FRMPD3: variants seen among roughly 807,000 people sequenced by gnomAD.
FRMPD3 encodes the protein FERM and PDZ domain-containing protein 3.
FRMPD3 carries 42 observed loss-of-function variants against 97.9 expected under a neutral mutation model. The observed-to-expected ratio is 0.43, with a 90% CI of 0.34 to 0.55. The LOEUF is 0.55. Among genes scored for constraint, FRMPD3 ranks in the 20% least tolerant of loss-of-function variants. The probability of loss-of-function intolerance (pLI) is 0.03; values close to 1 mark genes in which losing one functional copy is unlikely to be tolerated. For synonymous variants in FRMPD3, 577 were observed against 581.1 expected (o/e 0.99, Z 0.10); for missense variants, 1,303 against 1,457.7 (o/e 0.89, Z 1.73).
At chrX:107,526,453 G>T (rs890367179) in intron 1 of FRMPD3, 129 bp from the exon 2 acceptor site, 9 of 465,869 alleles carry the variant, frequency 1.9e-5, no homozygotes, top group Non-Finnish European at 3.4e-6. Context: ...TGGCTCCAGA[G>T]GATGTAGGAA....
intron 5 of FRMPD3, among the ~76,000 whole-genome samples, chrX:107,547,748 C>G (rs1443030243): frequency 8.9e-6 from 1 of 112,002 alleles, no homozygotes; most frequent in East Asian, 2.8e-4. Flanking sequence ...GCTCTCCTAT[C>G]AACCCTTTCC....
intron 13 of FRMPD3, among the ~76,000 whole-genome samples, chrX:107,589,104 G>C (rs1466728114): frequency 2.7e-5 from 3 of 111,187 alleles, no homozygotes; most frequent in Non-Finnish European, 5.6e-5. Context: ...CCTCCATCCA[G>C]TTCTGTGCCC....
At position 107,524,079 on chromosome X, in the gene FRMPD3, C is replaced by G. The variant is rs755622763; in HGVS notation, c.-7-2503C>G. Among the ~76,000 whole-genome samples, 17 of 112,402 alleles carry G rather than the reference C, an allele frequency of 1.5e-4. No homozygotes were observed. The South Asian group carries it at 2.6e-3, about 17-fold the overall frequency. ...TGCCCATGTCGGAAATGAGCTGGTG[C>G]CATCCCAAGAAGTCCTTTTAGCGCC... On this transcript the variant is annotated intron_variant, in intron 1 of 14. Coordinates refer to ENST00000683843, the MANE Select transcript of FRMPD3 (RefSeq NM_001388459.1).
rs1330675010 is a variant in FRMPD3, at chrX:107,602,302, G to C, written c.4263G>C (p.Leu1421=). Residue 1421 remains leucine, a synonymous_variant, in exon 15 of 15, where the codon CTG becomes CTC. Transcript: ENST00000683843. ...ACCCACATCCTCCCCTGGGCATGCT[G>C]CCCAGGGAGGCCAAGGAGGTAGAGG... ...DVYPHPPLGM[L]PREAKEVEAS... 1 of 1,207,914 alleles carries C rather than the reference G, an allele frequency of 8.3e-7. No individual in the cohort carries two copies. Among genetic ancestry groups the C allele is most frequent in the East Asian group, 3.0e-5 (1 of 33,705 alleles).
At position 107,600,976 on chromosome X, in the gene FRMPD3, C is replaced by T. The variant is rs752169335; in HGVS notation, c.2937C>T (p.Pro979=). The T allele has an allele frequency of 2.5e-6, 3 of 1,208,384 alleles. No individual in the cohort carries two copies. Among genetic ancestry groups the T allele is most frequent in the Non-Finnish European group, 3.4e-6 (3 of 894,204 alleles). The part of the protein sequence containing the change: ...LVTAGGALGN[P]PSRGERRLEA... ...CTGCTGGTGGGGCTTTGGGGAACCC[C>T]CCCAGCAGGGGTGAGAGAAGGCTGG... The change falls in exon 15 of 15, where the codon CCC becomes CCT. Residue 979 remains proline (P), a synonymous_variant. Coordinates refer to ENST00000683843, the MANE Select transcript of FRMPD3 (RefSeq NM_001388459.1).
Position 107,603,579 on chromosome X carries a change from C to A in FRMPD3, c.*206C>A. The A allele has an allele frequency of 1.4e-6, 1 of 733,299 alleles. No individual in the cohort carries two copies. The allele number at this position is 733,299 out of a possible 1,213,427, so 60.4% of individuals were successfully genotyped here. On this transcript the variant is annotated 3_prime_UTR_variant, in exon 15 of 15. Transcript: ENST00000683843. ...AGCTGCCGCCCTGGGTGTCCTCACC[C>A]CTTCCCTGGCCTCTGGGCCTCACTG...
At chrX:107,491,565 G>A (rs1451963518) in intron 1 of FRMPD3, among the ~76,000 whole-genome samples, 1 of 112,252 alleles carries the variant, frequency 8.9e-6, no homozygotes. Context: ...CGTATTAGGG[G>A]CTCTGCCTAC....
rs1017485591 is a variant in FRMPD3 at position 107,579,964 on chromosome X, C to T, written c.1441+3505C>T. 5.4e-5 allele frequency among the ~76,000 whole-genome samples: 6 copies of T among 111,639 alleles called. No homozygotes were observed. In the South Asian group the frequency reaches 2.2e-3, roughly 42 times the overall value. On this transcript the variant is annotated intron_variant, in intron 13 of 14. Coordinates refer to ENST00000683843, the MANE Select transcript of FRMPD3 (RefSeq NM_001388459.1). ...TACAGAGTACTAAAGTAAGACTGAA[C>T]GTAGTAGACTTGTTTTGGGTGATTC... is the stretch of plus-strand genomic sequence containing the variant.
At chrX:107,554,834 C>G (rs1248744865) in intron 8 of FRMPD3, 1 of 223,225 alleles carries the variant, frequency 4.5e-6, no homozygotes, top group Non-Finnish European at 8.3e-6. Flanking sequence ...ACCCCCAATA[C>G]CTAGCTCCAG....
At chrX:107,557,694 T>TG (rs756724396) in intron 8 of FRMPD3, among the ~76,000 whole-genome samples, 1,420 of 89,600 alleles carry the variant, frequency 0.016, 21 homozygotes, top group African/African-American at 0.061. Flanking sequence ...TGTGTGTGTG[T>TG]TTTTTTTTGC....
intron 1 of FRMPD3, chrX:107,525,788 A>G: frequency 2.2e-6 from 1 of 461,417 alleles, no homozygotes; most frequent in Non-Finnish European, 3.9e-6. Context: ...AAATTGCATC[A>G]AGATGAGCCA....
At chrX:107,504,871 G>A (rs761735454) in intron 1 of FRMPD3, among the ~76,000 whole-genome samples, 6 of 112,006 alleles carry the variant, frequency 5.4e-5, no homozygotes, top group Non-Finnish European at 1.1e-4. Context: ...GATTGCCATT[G>A]CCAATAATCA....
intron 1 of FRMPD3, among the ~76,000 whole-genome samples, chrX:107,451,316 C>T (rs765222401): frequency 8.9e-6 from 1 of 112,386 alleles, no homozygotes; most frequent in South Asian, 3.7e-4. Flanking sequence ...GCGCCCTTCT[C>T]GAAGTGGAGG....
intron 13 of FRMPD3, among the ~76,000 whole-genome samples, chrX:107,594,740 A>C (rs372592804): frequency 1.8e-5 from 2 of 111,040 alleles, no homozygotes; most frequent in Admixed American, 1.9e-4. Flanking sequence ...AATTAACCAG[A>C]CATGGTGGCA....
At chrX:107,591,958 T>C (rs988466046) in intron 13 of FRMPD3, among the ~76,000 whole-genome samples, 1 of 111,714 alleles carries the variant, frequency 9.0e-6, no homozygotes, top group Non-Finnish European at 1.9e-5. Flanking sequence ...TTCAATAGTT[T>C]TTAGGGAACA....
At chrX:107,455,470 G>A (rs183778657) in intron 1 of FRMPD3, among the ~76,000 whole-genome samples, 1 of 111,804 alleles carries the variant, frequency 8.9e-6, no homozygotes, top group Non-Finnish European at 1.9e-5. Flanking sequence ...AGGCTGAGGC[G>A]GGAGGATGGC....
chrX:107,464,763 A>C (rs1039120962), intron 1 of FRMPD3, among the ~76,000 whole-genome samples: 1 of 111,777 alleles, frequency 8.9e-6, no homozygotes, highest in Non-Finnish European at 1.9e-5. Flanking sequence ...AGGTCACCTG[A>C]TTCAAAAGAA....
In FRMPD3 at chrX:107,595,873, G is replaced by A. The variant is rs184802587; in HGVS notation, c.1442-1448G>A. 2.2e-4 allele frequency among the ~76,000 whole-genome samples: 24 copies of A among 107,525 alleles called. 1 individual carries two copies. Among genetic ancestry groups the A allele is most frequent in the Admixed American group, 1.5e-3 (15 of 10,021 alleles). The allele number at this position is 107,525 out of a possible 115,157, so 93.4% of individuals were successfully genotyped here. On this transcript the variant is annotated intron_variant, in intron 13 of 14. Transcript: ENST00000683843. ...GAATCACTTGAACCCAGGAGGCAGA[G>A]GCTGCAGTGAGCCGAGGTCGCACCA...
intron 1 of FRMPD3, among the ~76,000 whole-genome samples, chrX:107,520,495 A>AC (rs1922472551): frequency 1.8e-5 from 2 of 109,060 alleles, no homozygotes; most frequent in South Asian, 4.3e-4. Context: ...CAAAAAAAAA[A>AC]AAACACACAC....
Sources: gnomAD v4.1 joint callset for allele counts (sites outside exome capture counted in the v4.1 genomes callset) on GRCh38, gnomAD v4.1.1 for gene constraint, MANE v1.5 for transcripts, NCBI Gene and HGNC (gene_info 2026-07-23, HGNC 2026-07-21) for gene names.